ITGA9: variants seen among roughly 807,000 people sequenced by gnomAD.
The protein encoded by ITGA9 is integrin subunit alpha 9.
ITGA9 carries 56 observed loss-of-function variants against 127.8 expected under a neutral mutation model. That is an observed-to-expected ratio of 0.44 (90% CI 0.35 to 0.55). ITGA9 has a LOEUF of 0.55. Ranked by LOEUF, ITGA9 falls within the 20% of genes least tolerant of loss-of-function variation. The pLI, the probability that ITGA9 is intolerant of heterozygous loss-of-function variation, is 0.00. For synonymous variants in ITGA9, 508 were observed against 514.5 expected, an observed-to-expected ratio of 0.99 and a Z score of 0.17; for missense variants, 1,196 against 1,347.1, an observed-to-expected ratio of 0.89 and a Z score of 1.76.
chr3:37,618,852 C>T (rs1378247927), intron 15 of ITGA9, among the ~76,000 whole-genome samples: 5 of 152,186 alleles, frequency 3.3e-5, no homozygotes, highest in Non-Finnish European at 5.9e-5. Flanking sequence ...TTTCCAGGTG[C>T]CATCTGTCAC....
intron 17 of ITGA9, among the ~76,000 whole-genome samples, chr3:37,669,328 T>C (rs1169807125): frequency 6.6e-6 from 1 of 152,206 alleles, no homozygotes; most frequent in Admixed American, 6.5e-5. Flanking sequence ...GTGGATTAAC[T>C]CCCTGGTGCA....
rs1376894324 is a variant in ITGA9 at position 37,814,096 on chromosome 3, T to C, written c.3010-4795T>C. 1.3e-5 allele frequency among the ~76,000 whole-genome samples: 2 copies of C among 152,230 alleles called. No homozygotes were observed. Among genetic ancestry groups the C allele is most frequent in the African/African-American group, 4.8e-5 (2 of 41,468 alleles). ...GAGATGGGACAAAGACTCTGTGCCT[T>C]GTTCCCCCTTAGTGTGAGTCCTGAG... On this transcript the variant is annotated intron_variant, in intron 27 of 27. Coordinates refer to ENST00000264741, the MANE Select transcript of ITGA9 (RefSeq NM_002207.3). The surrounding 1 kb of genome is among the most constrained non-coding windows in gnomAD (Gnocchi z 4.3).
chr3:37,706,776 A>G (rs1701010360), intron 18 of ITGA9, among the ~76,000 whole-genome samples: 1 of 152,176 alleles, frequency 6.6e-6, no homozygotes, highest in Admixed American at 6.5e-5. Flanking sequence ...ACCATTTCTG[A>G]CCCTGATCTC....
At chr3:37,584,531 T>C (rs1371670980) in intron 15 of ITGA9, among the ~76,000 whole-genome samples, 1 of 151,954 alleles carries the variant, frequency 6.6e-6, no homozygotes, top group Non-Finnish European at 1.5e-5. Context: ...CCAAGGCAGG[T>C]GGATCATGAG....
chr3:37,786,826 G>A (rs1697047832), intron 26 of ITGA9, among the ~76,000 whole-genome samples: 2 of 152,152 alleles, frequency 1.3e-5, no homozygotes, highest in Non-Finnish European at 2.9e-5. Context: ...AGTTGTCCAA[G>A]CACTATTTTT....
chr3:37,774,050 T>C (rs1696875212), intron 23 of ITGA9, among the ~76,000 whole-genome samples: 2 of 152,230 alleles, frequency 1.3e-5, no homozygotes, highest in South Asian at 4.1e-4. Flanking sequence ...ATTTGCCTAA[T>C]TTAGTTGAAA....
intron 15 of ITGA9, among the ~76,000 whole-genome samples, chr3:37,585,174 C>T (rs866876401): frequency 6.6e-6 from 1 of 151,942 alleles, no homozygotes; most frequent in African/African-American, 2.4e-5. Context: ...TTTAAACTGA[C>T]CCCCCTTACT....
chr3:37,459,148 A>G (rs1440434193), intron 1 of ITGA9, among the ~76,000 whole-genome samples: 1 of 152,218 alleles, frequency 6.6e-6, no homozygotes, highest in East Asian at 1.9e-4. Context: ...TAGCAACAAT[A>G]ACACCAAAAG....
At chr3:37,789,647 T>C (rs1294810516) in intron 26 of ITGA9, among the ~76,000 whole-genome samples, 1 of 150,566 alleles carries the variant, frequency 6.6e-6, no homozygotes, top group African/African-American at 2.4e-5. Context: ...CGGGCGCCTG[T>C]AGTCCCAGCT....
chr3:37,634,636 G>T (rs115610422), intron 16 of ITGA9, among the ~76,000 whole-genome samples: 1 of 152,142 alleles, frequency 6.6e-6, no homozygotes. Context: ...GAGATAGATT[G>T]CAGTACATTA....
chr3:37,588,321 AC>A (rs1159246818), intron 15 of ITGA9, among the ~76,000 whole-genome samples: 1 of 60,512 alleles, frequency 1.7e-5, no homozygotes, highest in Non-Finnish European at 3.6e-5. Flanking sequence ...CCCCCAGCCC[AC>A]CCCCCCACTT....
rs561701571 is a variant in ITGA9 at position 37,820,890 on chromosome 3, A to G, written c.*1901A>G. On this transcript the variant is annotated 3_prime_UTR_variant, in exon 28 of 28. Coordinates refer to ENST00000264741, the MANE Select transcript of ITGA9 (RefSeq NM_002207.3). ...GCTAACACGTTGGGAGTCCGTGAAC[A>G]TTGTCAAAAAGACATCAAACTCAAC... 6.6e-6 allele frequency: 1 copy of G among 152,212 alleles called. No homozygotes were observed. The highest frequency in any genetic ancestry group is 1.5e-5 in the Non-Finnish European group (1 of 68,032). 9.4% of individuals were successfully genotyped at this position (152,212 alleles called of 1,614,324 possible). A position where few individuals can be genotyped will look rare whatever the true frequency, so the allele number is the denominator to read the frequency against.
At chr3:37,530,717 G>GTTTTTT (rs71094916) in intron 13 of ITGA9, among the ~76,000 whole-genome samples, 7 of 86,248 alleles carry the variant, frequency 8.1e-5, no homozygotes, top group Non-Finnish European at 1.5e-4. Context: ...CAGCTACCAG[G>GTTTTTT]TTTTTTTTTT....
At chr3:37,702,901 C>T (rs1700963209) in intron 18 of ITGA9, among the ~76,000 whole-genome samples, 1 of 152,006 alleles carries the variant, frequency 6.6e-6, no homozygotes, top group South Asian at 2.1e-4. Context: ...ACCTAGAAAC[C>T]AGAGACCCAG....
At chr3:37,624,755 C>T (rs2125633178) in intron 15 of ITGA9, among the ~76,000 whole-genome samples, 1 of 152,206 alleles carries the variant, frequency 6.6e-6, no homozygotes, top group South Asian at 2.1e-4. Flanking sequence ...TATAGGCGTG[C>T]TCCACCACGC....
intron 9 of ITGA9, among the ~76,000 whole-genome samples, chr3:37,515,721 G>A (rs1025252498): frequency 6.6e-6 from 1 of 152,092 alleles, no homozygotes; most frequent in Non-Finnish European, 1.5e-5. Context: ...GGGTGACAGA[G>A]TGAGACCTTG....
At chr3:37,504,738 G>T (rs748214829) in intron 6 of ITGA9, among the ~76,000 whole-genome samples, 3 of 152,114 alleles carry the variant, frequency 2.0e-5, no homozygotes, top group African/African-American at 7.2e-5. Context: ...TCAAGGATCC[G>T]TTCAGGCTTT....
intron 7 of ITGA9, among the ~76,000 whole-genome samples, chr3:37,507,783 C>G (rs1413775171): frequency 6.6e-6 from 1 of 152,112 alleles, no homozygotes; most frequent in African/African-American, 2.4e-5. Flanking sequence ...ATTCTAGTGT[C>G]AGGGCACAAA....
intron 15 of ITGA9, among the ~76,000 whole-genome samples, chr3:37,548,350 G>A (rs1172839823): frequency 2.0e-5 from 3 of 152,178 alleles, no homozygotes; most frequent in Non-Finnish European, 4.4e-5. Flanking sequence ...ACTTTCTGGG[G>A]CGATGAACAT....
Sources: allele counts gnomAD v4.1 joint callset (sites outside exome capture counted in the v4.1 genomes callset), GRCh38; gene constraint gnomAD v4.1.1; non-coding constraint Gnocchi (gnomAD v3.1); transcripts MANE v1.5; gene names NCBI Gene and HGNC (gene_info 2026-07-23, HGNC 2026-07-21).